Variants in CDK1 observed in about 807,000 individuals in gnomAD.
CDK1 encodes cyclin dependent kinase 1, also known as cyclin-dependent kinase 1.
In CDK1, 5 loss-of-function variants were observed where a neutral mutation model predicts 34.6. The observed-to-expected ratio is 0.14, with a 90% CI of 0.08 to 0.30. The LOEUF is 0.30. CDK1 is among the 10% of genes least tolerant of loss of function. CDK1 has a pLI of 1.00. For missense variants in CDK1, 157 were observed against 345.7 expected (o/e 0.45, Z 4.33); for synonymous variants, 108 against 114.7 (o/e 0.94, Z 0.37).
In CDK1 at chr10:60,787,276, G is replaced by GT. The variant is rs2080324181; in HGVS notation, c.319-783dup. On this transcript the variant is annotated intron_variant, in intron 4 of 7. Coordinates refer to ENST00000395284, the MANE Select transcript of CDK1 (RefSeq NM_001786.5). ...TCAACACTTCCAACTATATGCTAAT[G>GT]TAAGTGTTTTGAGCACAATTAAGGT... Among the ~76,000 whole-genome samples the GT allele has an allele frequency of 2.0e-5, 3 of 152,152 alleles. No homozygotes were observed. The East Asian group carries it at 5.8e-4, about 29-fold the overall frequency.
intron 7 of CDK1, among the ~76,000 whole-genome samples, chr10:60,793,477 A>G (rs2080375556): frequency 6.6e-6 from 1 of 151,606 alleles, no homozygotes; most frequent in South Asian, 2.1e-4. Flanking sequence ...GCTGGAAGCT[A>G]CATCAGAAAC....
rs763226276 is a variant in CDK1 at position 60,784,869 on chromosome 10, G to A, written c.194+8G>A. 1 of 1,606,636 alleles carries A rather than the reference G, an allele frequency of 6.2e-7. No homozygotes were observed. The highest frequency in any genetic ancestry group is 8.5e-7 in the Non-Finnish European group (1 of 1,174,630). On this transcript the variant is annotated splice_region_variant and intron_variant, in intron 3 of 7. Coordinates refer to ENST00000395284, the MANE Select transcript of CDK1 (RefSeq NM_001786.5). ...TCATCCAAATATAGTCAGGTATGTTGTAATATCTGAATGTAAGCCATTTTC... is the reference window on the plus strand; with the variant it reads ...TCATCCAAATATAGTCAGGTATGTTATAATATCTGAATGTAAGCCATTTTC...
In CDK1 at chr10:60,788,183, G is replaced by T; in HGVS notation, c.442G>T (p.Gly148Cys). 6.2e-7 allele frequency: 1 copy of T among 1,611,432 alleles called. No homozygotes were observed. Among genetic ancestry groups the T allele is most frequent in the Non-Finnish European group, 8.5e-7 (1 of 1,178,414 alleles). ...DKGTIKLADF[G>C]LARAFGIPIR... The stretch of plus-strand genomic sequence containing the variant: ...AGGAACAATTAAACTGGCTGATTTT[G>T]GCCTTGCCAGAGCTTTTGGAATACC... Residue 148 changes from glycine to cysteine, a missense_variant, in exon 5 of 8, where the codon GGC (glycine) becomes TGC (cysteine). Coordinates refer to ENST00000395284, the MANE Select transcript of CDK1 (RefSeq NM_001786.5).
intron 7 of CDK1, 107 bp from the exon 8 acceptor site, chr10:60,793,770 A>C: frequency 5.0e-6 from 3 of 605,490 alleles, no homozygotes; most frequent in Non-Finnish European, 8.7e-6. Flanking sequence ...ATATTCACTG[A>C]AAGTATTAGT....
At chr10:60,791,597 T>A (rs1031526970) in intron 5 of CDK1, among the ~76,000 whole-genome samples, 1 of 152,104 alleles carries the variant, frequency 6.6e-6, no homozygotes, top group Non-Finnish European at 1.5e-5. Flanking sequence ...CTATTATCAA[T>A]GGGTTTGGTT....
At chr10:60,793,376 T>C (rs1332581713) in intron 7 of CDK1, among the ~76,000 whole-genome samples, 1 of 152,102 alleles carries the variant, frequency 6.6e-6, no homozygotes, top group Non-Finnish European at 1.5e-5. Flanking sequence ...GCGCGTAAAC[T>C]AACATACTAA....
intron 5 of CDK1, among the ~76,000 whole-genome samples, chr10:60,788,776 C>T (rs960709813): frequency 6.6e-6 from 1 of 152,048 alleles, no homozygotes; most frequent in Non-Finnish European, 1.5e-5. Flanking sequence ...GGAAAGGGAA[C>T]ATTGTATAAT....
chr10:60,790,897 T>C (rs1410525525), intron 5 of CDK1, among the ~76,000 whole-genome samples: 1 of 152,214 alleles, frequency 6.6e-6, no homozygotes, highest in Admixed American at 6.5e-5. Flanking sequence ...CGTCCTTTTT[T>C]ATACTAATAT....
chr10:60,793,857 C>G lies in CDK1; in HGVS notation c.796-20C>G. On this transcript the variant is annotated intron_variant, in intron 7 of 7. Transcript: ENST00000395284. Reference sequence around the variant, plus strand: ...TGGTTTATTTCCTAAATAAATATCTCTTTTTCTTTTTTCTCCCAGAAAATG... The same window carrying G: ...TGGTTTATTTCCTAAATAAATATCTGTTTTTCTTTTTTCTCCCAGAAAATG... 1 of 1,364,426 alleles carries G rather than the reference C, an allele frequency of 7.3e-7. No homozygotes were observed. Among genetic ancestry groups the G allele is most frequent in the Non-Finnish European group, 1.0e-6 (1 of 982,512 alleles). The allele number at this position is 1,364,426 out of a possible 1,614,324, so 84.5% of individuals were successfully genotyped here. A position where few individuals can be genotyped will look rare whatever the true frequency, so the allele number is the denominator to read the frequency against.
At chr10:60,781,508 T>C (rs2080272595) in intron 2 of CDK1, among the ~76,000 whole-genome samples, 1 of 152,152 alleles carries the variant, frequency 6.6e-6, no homozygotes. Context: ...AATTGAACAA[T>C]ATTATGGAAA....
chr10:60,785,684 A>C lies in CDK1; in HGVS notation c.215A>C (p.Gln72Pro). 6.2e-7 allele frequency: 1 copy of C among 1,605,388 alleles called. No homozygotes were observed. The highest frequency in any genetic ancestry group is 8.5e-7 in the Non-Finnish European group (1 of 1,174,788). Reference protein sequence around the residue: ...NIVSLQDVLMQDSRLYLIFEF... With the variant: ...NIVSLQDVLMPDSRLYLIFEF... ...CCCAGTCTTCAGGATGTGCTTATGC[A>C]GGATTCCAGGTTATATCTCATCTTT... The change falls in exon 4 of 8, where the codon CAG becomes CCG. Residue 72 changes from glutamine to proline, a missense_variant. By Grantham distance (76) the Gln-to-Pro change is moderately conservative. Transcript: ENST00000395284.
intron 4 of CDK1, 53 bp downstream of exon 4, chr10:60,785,840 C>A: frequency 1.3e-6 from 2 of 1,488,050 alleles, no homozygotes; most frequent in South Asian, 1.5e-5. Context: ...TATAAAGGGA[C>A]TATATATAGA....
intron 2 of CDK1, among the ~76,000 whole-genome samples, chr10:60,784,235 A>G (rs2080296480): frequency 6.6e-6 from 1 of 152,188 alleles, no homozygotes; most frequent in Non-Finnish European, 1.5e-5. Context: ...GTTACTCTCA[A>G]TTTCTTTTTG....
intron 7 of CDK1, 25 bp from the exon 8 acceptor site, chr10:60,793,852 T>C (rs1344239193): frequency 7.8e-7 from 1 of 1,288,858 alleles, no homozygotes; most frequent in South Asian, 1.3e-5. Context: ...CCTAAATAAA[T>C]ATCTCTTTTT....
At chr10:60,791,843 A>AT (rs2080362203) in intron 5 of CDK1, 47 bp from the exon 6 acceptor site, 1 of 1,108,192 alleles carries the variant, frequency 9.0e-7, no homozygotes, top group African/African-American at 1.6e-5. Context: ...AGTGTAGGTA[A>AT]TTTTATGCAC....
chr10:60,791,429 A>G (rs572511374), intron 5 of CDK1, among the ~76,000 whole-genome samples: 1 of 152,254 alleles, frequency 6.6e-6, no homozygotes, highest in African/African-American at 2.4e-5. Flanking sequence ...TTCTATATAT[A>G]AGATCATCTC....
chr10:60,790,444 A>G (rs975042628), intron 5 of CDK1, among the ~76,000 whole-genome samples: 30 of 152,142 alleles, frequency 2.0e-4, no homozygotes, highest in African/African-American at 7.2e-4. Flanking sequence ...CGGGGCTGTC[A>G]GCATATTTCC....
At chr10:60,785,924 A>T in intron 4 of CDK1, 137 bp downstream of exon 4, 1 of 1,296,954 alleles carries the variant, frequency 7.7e-7, no homozygotes, top group East Asian at 2.8e-5. Context: ...TTTCTCCCTC[A>T]TGGTTAGTTT....
chr10:60,790,690 GT>G (rs2080353771), intron 5 of CDK1, among the ~76,000 whole-genome samples: 1 of 152,124 alleles, frequency 6.6e-6, no homozygotes, highest in African/African-American at 2.4e-5. Context: ...TCCATTTTGA[GT>G]TGATTTTTGT....
Sources: gnomAD v4.1 joint callset for allele counts (sites outside exome capture counted in the v4.1 genomes callset) on GRCh38, gnomAD v4.1.1 for gene constraint, MANE v1.5 for transcripts, NCBI Gene and HGNC (gene_info 2026-07-23, HGNC 2026-07-21) for gene names.